SMIM35: variants seen among roughly 807,000 people sequenced by gnomAD.
SMIM35 encodes TMPRSS4 antisense RNA 1 (non-protein coding).
intron 3 of SMIM35, among the ~76,000 whole-genome samples, chr11:118,014,270 TATG>T (rs759980950): frequency 1.3e-5 from 2 of 152,070 alleles, no homozygotes; most frequent in Non-Finnish European, 2.9e-5. Context: ...TAGTGGTGGT[TATG>T]ATAGCATCTT....
chr11:118,033,444 C>A (rs2058334583), intron 1 of SMIM35, among the ~76,000 whole-genome samples: 1 of 152,170 alleles, frequency 6.6e-6, no homozygotes, highest in Admixed American at 6.5e-5. Context: ...AATTTAAATT[C>A]GATAAATTCC....
intron 1 of SMIM35, among the ~76,000 whole-genome samples, chr11:118,084,178 GA>G (rs1945368278): frequency 1.3e-5 from 2 of 152,072 alleles, no homozygotes; most frequent in Non-Finnish European, 2.9e-5. Flanking sequence ...ACACACACAT[GA>G]AACTGAGTTT....
At chr11:118,040,054 A>G (rs1023182103) in intron 1 of SMIM35, among the ~76,000 whole-genome samples, 2 of 151,286 alleles carry the variant, frequency 1.3e-5, no homozygotes, top group African/African-American at 4.9e-5. Flanking sequence ...CAAAAAAAAA[A>G]AAAAAAAAAA....
rs186690978 is a variant in SMIM35, at chr11:118,083,303, T to G, written c.7+3448A>C. ...CGGCCACACACACTTGAAGCTTTCATGCTTCCACTGGTCCTTGCTTCTCTG... is the reference window on the plus strand; with the variant it reads ...CGGCCACACACACTTGAAGCTTTCAGGCTTCCACTGGTCCTTGCTTCTCTG... On this transcript the variant is annotated intron_variant, in intron 1 of 4. Transcript: ENST00000689828. Among the ~76,000 whole-genome samples the G allele has an allele frequency of 3.6e-3, 550 of 152,380 alleles. 3 individuals carry two copies. Among genetic ancestry groups the G allele is most frequent in the Non-Finnish European group, 6.1e-3 (415 of 68,036 alleles).
intron 1 of SMIM35, among the ~76,000 whole-genome samples, chr11:118,078,221 C>T (rs1441572753): frequency 2.0e-5 from 3 of 152,030 alleles, no homozygotes; most frequent in Non-Finnish European, 4.4e-5. Context: ...AGGAGGACAG[C>T]TGAGGGCCAG....
At chr11:118,007,280 G>A (rs1019419631) in intron 4 of SMIM35, among the ~76,000 whole-genome samples, 2 of 152,234 alleles carry the variant, frequency 1.3e-5, no homozygotes, top group African/African-American at 4.8e-5. Flanking sequence ...AGCTGGAAGG[G>A]ACCTCAGAGT....
At chr11:118,064,742 C>T (rs1591307439) in intron 1 of SMIM35, among the ~76,000 whole-genome samples, 2 of 152,088 alleles carry the variant, frequency 1.3e-5, no homozygotes, top group African/African-American at 4.8e-5. Flanking sequence ...TTCCCGGGTC[C>T]GAGCCATCCT....
At chr11:118,067,936 G>A (rs1944508873) in intron 1 of SMIM35, among the ~76,000 whole-genome samples, 3 of 117,960 alleles carry the variant, frequency 2.5e-5, no homozygotes, top group Admixed American at 1.8e-4. Flanking sequence ...TTTGTTTTTA[G>A]TTAAGAAATA....
chr11:118,022,235 G>T (rs1283915351), intron 1 of SMIM35, among the ~76,000 whole-genome samples: 1 of 152,060 alleles, frequency 6.6e-6, no homozygotes, highest in Non-Finnish European at 1.5e-5. Flanking sequence ...AATTTTAGTA[G>T]AGACAGGGTT....
intron 1 of SMIM35, chr11:118,029,785 C>G: frequency 2.2e-6 from 1 of 457,214 alleles, no homozygotes; most frequent in Non-Finnish European, 4.4e-6. Flanking sequence ...TGAGGTCCTC[C>G]CCCAGGCTCT....
At chr11:118,046,743 C>T (rs1944102215) in intron 1 of SMIM35, among the ~76,000 whole-genome samples, 1 of 152,102 alleles carries the variant, frequency 6.6e-6, no homozygotes, top group Non-Finnish European at 1.5e-5. Context: ...AATAAGCTCC[C>T]CAGGGGATTC....
At chr11:118,016,123 A>G (rs1175908575) in intron 1 of SMIM35, among the ~76,000 whole-genome samples, 4 of 152,138 alleles carry the variant, frequency 2.6e-5, no homozygotes, top group Non-Finnish European at 5.9e-5. Context: ...TGTCGGGGTG[A>G]GCCTGGGAGG....
chr11:118,025,360 G>A (rs571516841), intron 1 of SMIM35: 1 of 360,162 alleles, frequency 2.8e-6, no homozygotes, highest in East Asian at 7.8e-5. Context: ...TTTCCACAGT[G>A]ACTGAACTTT....
intron 1 of SMIM35, among the ~76,000 whole-genome samples, chr11:118,031,026 G>A (rs1056496013): frequency 2.6e-5 from 4 of 152,036 alleles, no homozygotes; most frequent in East Asian, 1.9e-4. Flanking sequence ...TATCAATATC[G>A]ATGTTGATTA....
chr11:118,014,659 A>G (rs914661108), intron 3 of SMIM35, 49 bp downstream of exon 3: 4 of 398,664 alleles, frequency 1.0e-5, no homozygotes, highest in African/African-American at 8.2e-5. Flanking sequence ...TTTCCATTAT[A>G]TCTACCCCCA....
intron 1 of SMIM35, among the ~76,000 whole-genome samples, chr11:118,058,320 G>T (rs1009609770): frequency 6.6e-6 from 1 of 152,050 alleles, no homozygotes; most frequent in Non-Finnish European, 1.5e-5. Flanking sequence ...TCCTTGCACT[G>T]AGCTTTCTCT....
At chr11:118,040,650 C>CA (rs1275396472) in intron 1 of SMIM35, among the ~76,000 whole-genome samples, 21 of 149,298 alleles carry the variant, frequency 1.4e-4, no homozygotes, top group East Asian at 4.0e-4. Context: ...TACGTACACA[C>CA]ACAAAAAAAA....
intron 1 of SMIM35, among the ~76,000 whole-genome samples, chr11:118,052,383 GA>G (rs1206451449): frequency 2.0e-5 from 3 of 152,186 alleles, no homozygotes; most frequent in African/African-American, 4.8e-5. Context: ...GCCCTGCAGG[GA>G]AGCAGGGAGA....
intron 1 of SMIM35, among the ~76,000 whole-genome samples, chr11:118,040,004 C>A (rs984762332): frequency 1.1e-4 from 16 of 147,598 alleles, no homozygotes; most frequent in African/African-American, 3.8e-4. Context: ...GAGATTGCAC[C>A]ACTGTACTCT....
Sources: allele counts gnomAD v4.1 joint callset (sites outside exome capture counted in the v4.1 genomes callset), GRCh38; gene constraint gnomAD v4.1.1; transcripts MANE v1.5; gene names NCBI Gene and HGNC (gene_info 2026-07-23, HGNC 2026-07-21).